RYR3: variants seen among roughly 807,000 people sequenced by gnomAD.
RYR3 encodes ryanodine receptor 3.
Under a neutral mutation model 584.3 loss-of-function variants are expected in RYR3, and 207 were observed. The observed-to-expected ratio is 0.35, with a 90% CI of 0.32 to 0.40. RYR3 has a LOEUF of 0.40. Ranked by LOEUF, RYR3 falls within the 10% of genes least tolerant of loss-of-function variation. RYR3 has a pLI of 1.00. For synonymous variants in RYR3, 2,416 were observed against 2,248.5 expected (o/e 1.07, Z -2.11); for missense variants, 5,616 against 6,089.2 (o/e 0.92, Z 2.59).
intron 76 of RYR3, among the ~76,000 whole-genome samples, chr15:33,819,271 A>C (rs2076982565): frequency 1.3e-5 from 2 of 152,234 alleles, no homozygotes; most frequent in Non-Finnish European, 2.9e-5. Context: ...ACATTTTCAG[A>C]GTGGTTTCTA....
At chr15:33,858,249 G>C (rs1784920948) in intron 99 of RYR3, 2 of 234,984 alleles carry the variant, frequency 8.5e-6, no homozygotes, top group Non-Finnish European at 1.7e-5. Flanking sequence ...TTGTCGCCCA[G>C]GCTGGAGTGC....
rs530308879 is a variant in RYR3 at position 33,360,957 on chromosome 15, C to T, written c.51+49861C>T. Among the ~76,000 whole-genome samples, 4 of 152,360 alleles carry T rather than the reference C, an allele frequency of 2.6e-5. No individual in the cohort carries two copies. The East Asian group carries it at 7.7e-4, about 29-fold the overall frequency. ...GATTCCCTTCTCTCTGCCCCAATCC[C>T]ACTGCTGTTCCCTAGCTTTCTCCTC... On this transcript the variant is annotated intron_variant, in intron 1 of 103. Transcript: ENST00000634891.
chr15:33,711,528 C>T (rs1211874557), intron 43 of RYR3, among the ~76,000 whole-genome samples: 3 of 152,186 alleles, frequency 2.0e-5, no homozygotes, highest in African/African-American at 4.8e-5. Flanking sequence ...TAGGCATGAG[C>T]CACCGCACCC....
At chr15:33,812,040 A>G (rs942132716) in intron 72 of RYR3, among the ~76,000 whole-genome samples, 4 of 152,184 alleles carry the variant, frequency 2.6e-5, no homozygotes, top group South Asian at 2.1e-4. Context: ...CAGAAAAAAA[A>G]TCTTAGGGGC....
intron 60 of RYR3, among the ~76,000 whole-genome samples, chr15:33,763,429 A>C (rs1165927798): frequency 2.0e-5 from 3 of 150,878 alleles, no homozygotes; most frequent in Non-Finnish European, 4.4e-5. Context: ...CAAAAAAAAA[A>C]CAACCCCATC....
chr15:33,534,682 T>G (rs1419282324), intron 5 of RYR3, among the ~76,000 whole-genome samples: 3 of 152,224 alleles, frequency 2.0e-5, no homozygotes, highest in Non-Finnish European at 4.4e-5. Flanking sequence ...AGATGCTGAC[T>G]TGCTGGGGTT....
At chr15:33,698,043 G>A (rs1364868879) in intron 40 of RYR3, 47 bp downstream of exon 40, 1 of 1,360,002 alleles carries the variant, frequency 7.4e-7, no homozygotes. Flanking sequence ...CTTGAGGCAG[G>A]AGCACGAGGT....
chr15:33,661,792 C>T (rs774620399), intron 34 of RYR3, among the ~76,000 whole-genome samples: 1 of 152,186 alleles, frequency 6.6e-6, no homozygotes, highest in African/African-American at 2.4e-5. Flanking sequence ...GGAGATTTTA[C>T]ATTTCTGAGG....
intron 60 of RYR3, among the ~76,000 whole-genome samples, chr15:33,767,318 G>GA (rs11413700): frequency 0.48 from 71,851 of 150,092 alleles, 17,587 homozygotes; most frequent in African/African-American, 0.59. Flanking sequence ...ACCCGTCTCT[G>GA]AAAAAAAAAC....
Position 33,662,937 on chromosome 15 carries a change from G to T in RYR3, c.5407G>T (p.Val1803Phe), listed in dbSNP as rs377018905. The change falls in exon 35 of 104, where the codon GTC becomes TTC. Residue 1803 changes from valine (V) to phenylalanine (F), a missense_variant. Val to Phe is a conservative substitution (Grantham distance 50). Coordinates refer to ENST00000634891, the MANE Select transcript of RYR3 (RefSeq NM_001036.6). Reference protein sequence around the residue: ...GLLQTRLPESVKLQMCELLSY... With the variant: ...GLLQTRLPESFKLQMCELLSY... ...GTTGCAGACTCGATTACCCGAATCCGTCAAGCTGCAGGTAAGCTGCAGGTG... is the reference window on the plus strand; with the variant it reads ...GTTGCAGACTCGATTACCCGAATCCTTCAAGCTGCAGGTAAGCTGCAGGTG... The T allele has an allele frequency of 2.5e-6, 4 of 1,611,812 alleles. No homozygotes were observed. The highest frequency in any genetic ancestry group is 2.2e-5 in the South Asian group (2 of 90,936).
intron 87 of RYR3, 139 bp downstream of exon 87, chr15:33,835,211 T>C: frequency 1.5e-6 from 1 of 647,932 alleles, no homozygotes; most frequent in Non-Finnish European, 2.6e-6. Context: ...TTTTTTAAAC[T>C]GAAGGCCAAA....
At chr15:33,689,635 G>A (rs914815215) in intron 38 of RYR3, among the ~76,000 whole-genome samples, 2 of 152,066 alleles carry the variant, frequency 1.3e-5, no homozygotes, top group Non-Finnish European at 2.9e-5. Flanking sequence ...TCCATGTAAT[G>A]GAGGCTTATT....
intron 18 of RYR3, among the ~76,000 whole-genome samples, chr15:33,609,880 C>T (rs1964117502): frequency 6.6e-6 from 1 of 151,992 alleles, no homozygotes; most frequent in African/African-American, 2.4e-5. Context: ...ACTCAGTGTC[C>T]TCAAATGGAG....
chr15:33,661,837 C>T (rs1027932809), intron 34 of RYR3, among the ~76,000 whole-genome samples: 10 of 152,150 alleles, frequency 6.6e-5, no homozygotes, highest in South Asian at 2.1e-4. Flanking sequence ...ACAAGTAAGA[C>T]GACCAAGTCA....
chr15:33,787,880 G>T lies in RYR3; in HGVS notation c.9590-338G>T, dbSNP rs554738435. Among the ~76,000 whole-genome samples the T allele has an allele frequency of 2.0e-5, 3 of 152,368 alleles. No homozygotes were observed. In the South Asian group the frequency reaches 6.2e-4, roughly 32 times the overall value. On this transcript the variant is annotated intron_variant, in intron 66 of 103. Transcript: ENST00000634891. Reference sequence around the variant, plus strand: ...TCTGCTAGTGAGCCGAAAGCAAAAAGAATGGACTATAAAATAATACAAAAT... The same window carrying T: ...TCTGCTAGTGAGCCGAAAGCAAAAATAATGGACTATAAAATAATACAAAAT...
intron 53 of RYR3, 67 bp from the exon 54 acceptor site, chr15:33,748,047 C>T (rs1443497199): frequency 1.4e-5 from 21 of 1,497,800 alleles, no homozygotes; most frequent in East Asian, 4.5e-5. Context: ...ACCTTCCATG[C>T]GGAGATGGGC....
Position 33,826,655 on chromosome 15 carries a change from C to T in RYR3, c.11165-17C>T, listed in dbSNP as rs781145443. 2.1e-5 allele frequency: 33 copies of T among 1,603,876 alleles called. No individual in the cohort carries two copies. Among genetic ancestry groups the T allele is most frequent in the Admixed American group, 5.0e-5 (3 of 59,988 alleles). ...GAGAAGCCAAACCAATGCTCATCAA[C>T]GTTCTGTGTTTTCAAGGTGAAAAAG... On this transcript the variant is annotated splice_polypyrimidine_tract_variant and intron_variant, in intron 83 of 103. Coordinates refer to ENST00000634891, the MANE Select transcript of RYR3 (RefSeq NM_001036.6).
intron 12 of RYR3, among the ~76,000 whole-genome samples, chr15:33,578,252 A>G (rs936369962): frequency 6.6e-6 from 1 of 152,238 alleles, no homozygotes; most frequent in African/African-American, 2.4e-5. Context: ...CAATCCCATT[A>G]CTAGGTATAT....
chr15:33,349,455 C>T (rs1053377940), intron 1 of RYR3, among the ~76,000 whole-genome samples: 10 of 152,104 alleles, frequency 6.6e-5, no homozygotes, highest in African/African-American at 2.2e-4. Flanking sequence ...TGTCAGTTTT[C>T]TGAATTTATC....
Sources: gnomAD v4.1 joint callset for allele counts (sites outside exome capture counted in the v4.1 genomes callset) on GRCh38, gnomAD v4.1.1 for gene constraint, MANE v1.5 for transcripts, NCBI Gene and HGNC (gene_info 2026-07-23, HGNC 2026-07-21) for gene names.